SRP72: variants seen among roughly 807,000 people sequenced by gnomAD.
SRP72 encodes signal recognition particle 72.
Under a neutral mutation model 96.3 loss-of-function variants are expected in SRP72, and 49 were observed. The observed-to-expected ratio is 0.51, with a 90% CI of 0.40 to 0.65. The LOEUF is 0.65. SRP72 is among the 30% of genes least tolerant of loss of function. The pLI is 0.00. For missense variants in SRP72, 736 were observed against 793.3 expected (o/e 0.93, Z 0.87); for synonymous variants, 267 against 275.2 (o/e 0.97, Z 0.30).
chr4:56,478,761 G>C, intron 8 of SRP72, 112 bp downstream of exon 8: 1 of 1,087,286 alleles, frequency 9.2e-7, no homozygotes, highest in East Asian at 2.5e-5. Context: ...GATGAAAAAA[G>C]TCCAGTTGTA....
At chr4:56,468,689 G>T (rs1323774250) in intron 1 of SRP72, among the ~76,000 whole-genome samples, 1 of 152,146 alleles carries the variant, frequency 6.6e-6, no homozygotes, top group African/African-American at 2.4e-5. Flanking sequence ...AGTAGTGATT[G>T]TGCCCACAGT....
Position 56,491,544 on chromosome 4 carries a change from G to C in SRP72, c.1616G>C (p.Gly539Ala). ...CGGAAGAAGGGTGGAAAAGTTACTG[G>C]AGATAGTCAACCAAAGGAACAAGGG... is the stretch of plus-strand genomic sequence containing the variant. Reference protein sequence around the residue: ...YIRKKGGKVTGDSQPKEQGQG... With the variant: ...YIRKKGGKVTADSQPKEQGQG... Residue 539 changes from glycine to alanine, a missense_variant, in exon 16 of 19, where the codon GGA becomes GCA. Around this residue, in one of 3 missense-constraint regions of SRP72, gnomAD observed 388 missense variants for 431.8 expected, o/e 0.90. Coordinates refer to ENST00000642900, the MANE Select transcript of SRP72 (RefSeq NM_006947.4). The C allele has an allele frequency of 6.2e-7, 1 of 1,613,818 alleles. No individual in the cohort carries two copies. The highest frequency in any genetic ancestry group is 8.5e-7 in the Non-Finnish European group (1 of 1,179,856).
chr4:56,475,191 A>G (rs952625239), intron 5 of SRP72, among the ~76,000 whole-genome samples: 2 of 150,770 alleles, frequency 1.3e-5, no homozygotes, highest in African/African-American at 4.9e-5. Context: ...ATCACAGTTT[A>G]CTGTCAAATG....
chr4:56,471,652 TG>T lies in SRP72; in HGVS notation c.231-67del, dbSNP rs564494225. 1.1e-4 allele frequency: 169 copies of T among 1,556,618 alleles called. No homozygotes were observed. The African/African-American group carries it at 2.0e-3, about 19-fold the overall frequency. ...GGACTAAATCCAGTGTTTAGAGTGG[TG>T]TTGTATATAATGGGTGCATTGCATT... On this transcript the variant is annotated intron_variant, in intron 2 of 18. Transcript: ENST00000642900.
intron 9 of SRP72, 94 bp from the exon 10 acceptor site, chr4:56,484,642 A>T: frequency 1.3e-6 from 2 of 1,524,650 alleles, no homozygotes; most frequent in Non-Finnish European, 1.8e-6. Context: ...TATTTGTTTC[A>T]ACTGATTTTC....
At chr4:56,489,766 C>A (rs1720841997) in intron 13 of SRP72, among the ~76,000 whole-genome samples, 2 of 152,084 alleles carry the variant, frequency 1.3e-5, no homozygotes, top group African/African-American at 4.8e-5. Context: ...AATAATAGTA[C>A]ATGATTGCAT....
chr4:56,473,719 C>T (rs181305087), intron 3 of SRP72, among the ~76,000 whole-genome samples: 43 of 151,802 alleles, frequency 2.8e-4, no homozygotes, highest in African/African-American at 9.2e-4. Flanking sequence ...GAGCCAAGAT[C>T]GCGCCATTGC....
At chr4:56,481,165 C>T (rs1720468792) in intron 8 of SRP72, among the ~76,000 whole-genome samples, 1 of 152,148 alleles carries the variant, frequency 6.6e-6, no homozygotes, top group Non-Finnish European at 1.5e-5. Context: ...CAGTTTCTTG[C>T]TGTACATTAA....
chr4:56,492,182 A>G (rs1720933354), intron 16 of SRP72, among the ~76,000 whole-genome samples: 1 of 152,164 alleles, frequency 6.6e-6, no homozygotes, highest in African/African-American at 2.4e-5. Flanking sequence ...CTTTTATTTA[A>G]TGAGTTTTAG....
intron 13 of SRP72, 95 bp downstream of exon 13, chr4:56,489,578 C>T: frequency 3.4e-6 from 2 of 594,366 alleles, no homozygotes; most frequent in Non-Finnish European, 5.7e-6. Context: ...TATTACACGT[C>T]ACTATTTTAA....
At chr4:56,497,438 C>T (rs947744293) in intron 17 of SRP72, among the ~76,000 whole-genome samples, 1 of 151,896 alleles carries the variant, frequency 6.6e-6, no homozygotes, top group Non-Finnish European at 1.5e-5. Context: ...CTAGGATGGT[C>T]TCGATCTCCT....
chr4:56,482,258 G>A (rs1349697442), intron 8 of SRP72, among the ~76,000 whole-genome samples: 2 of 149,760 alleles, frequency 1.3e-5, no homozygotes, highest in Non-Finnish European at 3.0e-5. Context: ...TGGCTAACAC[G>A]GTGAAACCCC....
At chr4:56,484,975 G>A (rs1720650371) in intron 10 of SRP72, 111 bp downstream of exon 10, 1 of 1,281,458 alleles carries the variant, frequency 7.8e-7, no homozygotes, top group Admixed American at 3.3e-5. Context: ...AATCAGAAAT[G>A]TACCACTACA....
chr4:56,500,491 A>C (rs376026700), intron 17 of SRP72, 45 bp from the exon 18 acceptor site: 9 of 1,578,670 alleles, frequency 5.7e-6, no homozygotes, highest in African/African-American at 1.4e-5. Flanking sequence ...AACTATCTTG[A>C]AAATATTATG....
chr4:56,493,141 A>G (rs28472763), intron 16 of SRP72, among the ~76,000 whole-genome samples: 61,344 of 151,700 alleles, frequency 0.4, 13,572 homozygotes, highest in East Asian at 0.66. Context: ...GGGTTCAAGC[A>G]ATTCTCCTGC....
chr4:56,479,717 AC>A (rs1465707023), intron 8 of SRP72, among the ~76,000 whole-genome samples: 1 of 150,380 alleles, frequency 6.6e-6, no homozygotes, highest in Admixed American at 6.6e-5. Context: ...CCTGGGCTCA[AC>A]AAATCCTCCT....
chr4:56,486,936 G>A (rs1720731283), intron 11 of SRP72, among the ~76,000 whole-genome samples: 1 of 152,170 alleles, frequency 6.6e-6, no homozygotes, highest in Admixed American at 6.5e-5. Flanking sequence ...CTAGAGCCAT[G>A]TTGCCCAGTT....
At chr4:56,493,976 A>G (rs955107691) in intron 16 of SRP72, among the ~76,000 whole-genome samples, 1 of 152,232 alleles carries the variant, frequency 6.6e-6, no homozygotes, top group Admixed American at 6.5e-5. Flanking sequence ...CGGAGGGAAT[A>G]GTCACTTCTT....
rs1438944416 is a variant in SRP72 at position 56,476,653 on chromosome 4, A to G, written c.611-18A>G. On this transcript the variant is annotated intron_variant, in intron 5 of 18. Coordinates refer to ENST00000642900, the MANE Select transcript of SRP72 (RefSeq NM_006947.4). ...TTTACCCAGCAATACTACTTTTAAA[A>G]CAATTTTTCTCCTGTAGATCTTTGC... 6.2e-7 allele frequency: 1 copy of G among 1,612,016 alleles called. No homozygotes were observed. The highest frequency in any genetic ancestry group is 2.2e-5 in the East Asian group (1 of 44,780).
Sources: allele counts gnomAD v4.1 joint callset (sites outside exome capture counted in the v4.1 genomes callset), GRCh38; gene constraint gnomAD v4.1.1; regional missense constraint gnomAD v4.1.1; transcripts MANE v1.5; gene names NCBI Gene and HGNC (gene_info 2026-07-23, HGNC 2026-07-21).